FMN1: variants seen among roughly 807,000 people sequenced by gnomAD.
FMN1 encodes the protein formin 1, also known as formin-1.
A neutral mutation model predicts 132.4 loss-of-function variants in FMN1; 110 were observed. The ratio of observed to expected loss-of-function variants is 0.83; its 90% CI spans 0.71 to 0.97. The LOEUF is 0.97. FMN1 is among the 50% of genes least tolerant of loss of function. The pLI is 0.00. For missense variants in FMN1, 1,792 were observed against 1,705.3 expected, an observed-to-expected ratio of 1.05 and a Z score of -0.90; for synonymous variants, 722 against 651.7, an observed-to-expected ratio of 1.11 and a Z score of -1.64.
chr15:32,948,787 A>G (rs2061563269), intron 9 of FMN1, among the ~76,000 whole-genome samples: 1 of 151,918 alleles, frequency 6.6e-6, no homozygotes, highest in Non-Finnish European at 1.5e-5. Context: ...TTTTTTTTCA[A>G]AGAAGAAACT....
At chr15:33,013,026 C>T (rs1274224697) in intron 6 of FMN1, 1 of 414,770 alleles carries the variant, frequency 2.4e-6, no homozygotes, top group Non-Finnish European at 4.7e-6. Flanking sequence ...ACCAAGGAGG[C>T]TATAGGGGTA....
intron 4 of FMN1, among the ~76,000 whole-genome samples, chr15:33,120,813 TTATG>T (rs1403329808): frequency 5.3e-5 from 8 of 151,354 alleles, no homozygotes; most frequent in African/African-American, 2.0e-4. Context: ...TCTTGCATGT[TTATG>T]TATTTTTAAA....
At chr15:33,151,964 C>T (rs1327413457) in intron 4 of FMN1, among the ~76,000 whole-genome samples, 3 of 152,198 alleles carry the variant, frequency 2.0e-5, no homozygotes, top group Non-Finnish European at 2.9e-5. Flanking sequence ...TATAAAATTT[C>T]ACAAGTTCAA....
At chr15:33,061,992 T>G (rs2037506303) in intron 6 of FMN1, among the ~76,000 whole-genome samples, 1 of 152,094 alleles carries the variant, frequency 6.6e-6, no homozygotes, top group African/African-American at 2.4e-5. Flanking sequence ...TTATCAGAAA[T>G]TATATAATGA....
chr15:33,059,093 C>T (rs1262630779), intron 6 of FMN1, among the ~76,000 whole-genome samples: 1 of 152,194 alleles, frequency 6.6e-6, no homozygotes, highest in African/African-American at 2.4e-5. Flanking sequence ...TTCTCTACTT[C>T]CATGAGTTCA....
chr15:32,969,013 A>C lies in FMN1; in HGVS notation c.2688T>G (p.Pro896=). 1 of 1,140,676 alleles carries C rather than the reference A, an allele frequency of 8.8e-7. No individual in the cohort carries two copies. Among genetic ancestry groups the C allele is most frequent in the Non-Finnish European group, 1.2e-6 (1 of 829,122 alleles). The allele number at this position is 1,140,676 out of a possible 1,614,324, so 70.7% of individuals were successfully genotyped here. The change falls in exon 8 of 21, where the codon CCT becomes CCG. Residue 896 remains proline (P), a synonymous_variant. Transcript: ENST00000616417. ...GSLSPAPPMP[P]VSAGPPLPPP... Reference sequence around the variant, plus strand: ...GTGGTAGCGGTGGCCCAGCACTCACAGGTGGCATTGGAGGTGCGGGAGACA... The same window carrying C: ...GTGGTAGCGGTGGCCCAGCACTCACCGGTGGCATTGGAGGTGCGGGAGACA...
At chr15:32,847,858 A>C (rs569307942) in intron 17 of FMN1, among the ~76,000 whole-genome samples, 14 of 152,330 alleles carry the variant, frequency 9.2e-5, no homozygotes, top group Non-Finnish European at 1.3e-4. Context: ...CCATCTCAAA[A>C]AAACAAACAA....
chr15:33,088,553 G>A (rs1265995501), intron 5 of FMN1, among the ~76,000 whole-genome samples: 2 of 152,162 alleles, frequency 1.3e-5, no homozygotes, highest in Non-Finnish European at 2.9e-5. Context: ...TGAACAGAGC[G>A]CTCTGAGAAC....
intron 7 of FMN1, among the ~76,000 whole-genome samples, chr15:32,975,094 C>T (rs189575706): frequency 6.6e-6 from 1 of 152,296 alleles, no homozygotes; most frequent in Middle Eastern, 3.4e-3. Context: ...ACCTTTTATC[C>T]ATTTTCGCCT....
At chr15:33,126,703 TA>T (rs953024828) in intron 4 of FMN1, among the ~76,000 whole-genome samples, 1 of 151,988 alleles carries the variant, frequency 6.6e-6, no homozygotes, top group Admixed American at 6.5e-5. Flanking sequence ...GCGAAGGCAA[TA>T]AAAGAGCAAT....
chr15:33,073,138 T>C (rs1040643881), intron 5 of FMN1, among the ~76,000 whole-genome samples: 2 of 152,182 alleles, frequency 1.3e-5, no homozygotes, highest in Non-Finnish European at 1.5e-5. Context: ...CCCTTACTCT[T>C]TGTAGCACTT....
rs1166955726 is a variant in FMN1, at chr15:32,969,082, T to G, written c.2619A>C (p.Ala873=). 6.3e-7 allele frequency: 1 copy of G among 1,596,902 alleles called. No individual in the cohort carries two copies. Residue 873 remains alanine, a synonymous_variant, in exon 8 of 21, where the codon GCA becomes GCC. Transcript: ENST00000616417. ...GGAGGGGCGGAGGGGGAGGGATGGATGCGGGAGGCGGAGGCAATGCCTTCT... is the reference window on the plus strand; with the variant it reads ...GGAGGGGCGGAGGGGGAGGGATGGAGGCGGGAGGCGGAGGCAATGCCTTCT... The part of the protein sequence containing the change: ...NQQKALPPPP[A]SIPPPPPLPS...
chr15:33,148,348 A>T (rs746535749), intron 4 of FMN1, among the ~76,000 whole-genome samples: 1 of 152,184 alleles, frequency 6.6e-6, no homozygotes, highest in African/African-American at 2.4e-5. Context: ...GGTTAGAAGC[A>T]ACAGTATTTT....
chr15:32,986,029 T>C (rs1004649632), intron 7 of FMN1, among the ~76,000 whole-genome samples: 3 of 152,066 alleles, frequency 2.0e-5, no homozygotes, highest in Non-Finnish European at 4.4e-5. Flanking sequence ...AGAGGGGTCA[T>C]GAAAATACGC....
chr15:33,077,338 C>T (rs1222972385), intron 5 of FMN1, among the ~76,000 whole-genome samples: 6 of 133,788 alleles, frequency 4.5e-5, no homozygotes, highest in Admixed American at 8.1e-5. Context: ...CCCGGCCCAT[C>T]CTTTTTTTTT....
chr15:33,134,528 C>T (rs986333192), intron 4 of FMN1, among the ~76,000 whole-genome samples: 8 of 152,300 alleles, frequency 5.3e-5, no homozygotes, highest in African/African-American at 1.9e-4. Flanking sequence ...TATGGGAGTT[C>T]TAGATCCGCT....
At chr15:32,791,835 T>C (rs775004471) in intron 19 of FMN1, among the ~76,000 whole-genome samples, 2 of 152,112 alleles carry the variant, frequency 1.3e-5, no homozygotes, top group African/African-American at 2.4e-5. Flanking sequence ...AGGCCTTAGT[T>C]GAGATGGAAT....
At chr15:32,867,719 C>T (rs1446611817) in intron 16 of FMN1, among the ~76,000 whole-genome samples, 1 of 152,194 alleles carries the variant, frequency 6.6e-6, no homozygotes, top group African/African-American at 2.4e-5. Flanking sequence ...TCTCAATCTC[C>T]TGACCTCGTG....
chr15:33,101,300 T>C (rs992151489), intron 4 of FMN1, among the ~76,000 whole-genome samples: 1 of 152,168 alleles, frequency 6.6e-6, no homozygotes, highest in Non-Finnish European at 1.5e-5. Flanking sequence ...GGCGATTTGG[T>C]AAATTCAGTT....
Sources: gnomAD v4.1 joint callset for allele counts (sites outside exome capture counted in the v4.1 genomes callset) on GRCh38, gnomAD v4.1.1 for gene constraint, MANE v1.5 for transcripts, NCBI Gene and HGNC (gene_info 2026-07-23, HGNC 2026-07-21) for gene names.